Variants in TTC6 observed in about 807,000 individuals in gnomAD.
The protein encoded by TTC6 is tetratricopeptide repeat protein 6.
TTC6 carries 172 observed loss-of-function variants against 210.4 expected under a neutral mutation model. That is an observed-to-expected ratio of 0.82 (90% CI 0.72 to 0.93). TTC6 has a LOEUF of 0.93. TTC6 is among the 40% of genes least tolerant of loss of function. The pLI, the probability that TTC6 is intolerant of heterozygous loss-of-function variation, is 0.00. For synonymous variants in TTC6, 804 were observed against 819.6 expected (o/e 0.98, Z 0.32); for missense variants, 2,414 against 2,318.1 (o/e 1.04, Z -0.85).
chr14:37,806,038 A>G (rs1471131240), intron 21 of TTC6, among the ~76,000 whole-genome samples: 1 of 152,138 alleles, frequency 6.6e-6, no homozygotes, highest in African/African-American at 2.4e-5. Context: ...GCTGGATCCT[A>G]ATGAAAAATA....
chr14:37,786,993 C>T (rs192946044), intron 14 of TTC6, among the ~76,000 whole-genome samples: 2 of 152,148 alleles, frequency 1.3e-5, no homozygotes, highest in Admixed American at 6.5e-5. Flanking sequence ...AGCTTTCATC[C>T]GTGAAAGAGC....
At chr14:37,805,413 C>G (rs2096115991) in intron 21 of TTC6, among the ~76,000 whole-genome samples, 1 of 103,976 alleles carries the variant, frequency 9.6e-6, no homozygotes, top group African/African-American at 3.3e-5. Context: ...AACTCTATCT[C>G]AAGACACACA....
intron 16 of TTC6, 140 bp from the exon 19 acceptor site, chr14:37,792,124 A>G: frequency 1.5e-6 from 1 of 660,938 alleles, no homozygotes; most frequent in Non-Finnish European, 2.3e-6. Context: ...CAGCTAACTA[A>G]TTTACTTTCC....
chr14:37,768,218 T>C (rs2139155660), intron 14 of TTC6, among the ~76,000 whole-genome samples: 2 of 151,428 alleles, frequency 1.3e-5, no homozygotes, highest in East Asian at 3.9e-4. Context: ...GTAGTATAGT[T>C]TGAAGTCAGG....
chr14:37,750,312 T>G (rs752880172), intron 12 of TTC6, among the ~76,000 whole-genome samples: 13 of 152,244 alleles, frequency 8.5e-5, no homozygotes, highest in Admixed American at 1.3e-4. Context: ...AAATGTGATA[T>G]TCACCTTTGT....
intron 14 of TTC6, among the ~76,000 whole-genome samples, chr14:37,775,705 CTG>C (rs2096035118): frequency 6.6e-6 from 1 of 152,086 alleles, no homozygotes; most frequent in Admixed American, 6.6e-5. Context: ...CTTGTTAATA[CTG>C]TCAGTGGGGT....
At chr14:37,680,647 A>C (rs2095781489) in intron 2 of TTC6, among the ~76,000 whole-genome samples, 1 of 152,190 alleles carries the variant, frequency 6.6e-6, no homozygotes, top group Non-Finnish European at 1.5e-5. Context: ...TTTGGTTGAG[A>C]AATATGGACA....
chr14:37,668,696 T>A (rs77894642), intron 1 of TTC6, among the ~76,000 whole-genome samples: 8,663 of 152,042 alleles, frequency 0.057, 380 homozygotes, highest in Non-Finnish European at 0.089. Flanking sequence ...ATGGAAAAAA[T>A]CTGCAAAGTC....
At chr14:37,649,648 C>T (rs2095707670) in intron 1 of TTC6, among the ~76,000 whole-genome samples, 1 of 152,174 alleles carries the variant, frequency 6.6e-6, no homozygotes, top group African/African-American at 2.4e-5. Context: ...TGCCTTTTAC[C>T]TGAGGCCATG....
At chr14:37,689,068 A>G (rs993284702) in intron 3 of TTC6, among the ~76,000 whole-genome samples, 1 of 152,146 alleles carries the variant, frequency 6.6e-6, no homozygotes, top group African/African-American at 2.4e-5. Flanking sequence ...ATTCAAGATA[A>G]CACAGAGAAT....
At chr14:37,651,214 C>A (rs72674265) in intron 1 of TTC6, among the ~76,000 whole-genome samples, 79 of 151,482 alleles carry the variant, frequency 5.2e-4, no homozygotes, top group Non-Finnish European at 9.7e-4. Flanking sequence ...TCCCATACCC[C>A]TCTCTGCCCC....
chr14:37,767,507 T>C lies in TTC6; in HGVS notation c.3266+14272T>C, dbSNP rs539863597. 4.7e-3 allele frequency among the ~76,000 whole-genome samples: 711 copies of C among 152,334 alleles called. 8 individuals carry two copies. The highest frequency in any genetic ancestry group is 0.016 in the African/African-American group (673 of 41,574). The stretch of plus-strand genomic sequence containing the variant: ...GATTGCCATTCTAACTGGTGTGAGA[T>C]GGTATCTCATTGTGGTTTTGATTTG... On this transcript the variant is annotated intron_variant, in intron 14 of 30. Coordinates refer to ENST00000553443, the Ensembl canonical transcript of TTC6.
At chr14:37,691,549 C>G (rs973594378) in intron 3 of TTC6, among the ~76,000 whole-genome samples, 1 of 151,924 alleles carries the variant, frequency 6.6e-6, no homozygotes, top group African/African-American at 2.4e-5. Context: ...AAAAGTAGTA[C>G]TAAGAGGGAA....
intron 21 of TTC6, among the ~76,000 whole-genome samples, chr14:37,806,133 T>A (rs1488744492): frequency 6.6e-6 from 1 of 152,196 alleles, no homozygotes; most frequent in East Asian, 1.9e-4. Flanking sequence ...AATCTAACAA[T>A]ATGGATTATG....
At chr14:37,742,019 T>G (rs533567360) in intron 10 of TTC6, among the ~76,000 whole-genome samples, 13 of 152,310 alleles carry the variant, frequency 8.5e-5, no homozygotes, top group Admixed American at 3.9e-4. Flanking sequence ...TGATGAATAG[T>G]GGCTGCCTTG....
chr14:37,597,239 C>T (rs2095606395), intron 1 of TTC6, among the ~76,000 whole-genome samples: 1 of 152,010 alleles, frequency 6.6e-6, no homozygotes, highest in South Asian at 2.1e-4. Flanking sequence ...ACTTTAGTTC[C>T]ATTTGTAAAG....
intron 1 of TTC6, among the ~76,000 whole-genome samples, chr14:37,664,976 A>G (rs893195952): frequency 1.3e-5 from 2 of 150,610 alleles, no homozygotes; most frequent in Non-Finnish European, 3.0e-5. Context: ...TAGAATGGCT[A>G]TTATTAAAAA....
chr14:37,763,051 A>ATT (rs369226483), intron 14 of TTC6, among the ~76,000 whole-genome samples: 19 of 145,696 alleles, frequency 1.3e-4, no homozygotes, highest in Middle Eastern at 7.2e-3. Flanking sequence ...CACCCGCCTA[A>ATT]TTTTTTTTTT....
intron 14 of TTC6, among the ~76,000 whole-genome samples, chr14:37,762,475 C>T (rs760368966): frequency 9.9e-5 from 15 of 152,188 alleles, no homozygotes; most frequent in Non-Finnish European, 1.8e-4. Flanking sequence ...TCAAAATCCT[C>T]GCCAAATTTG....
Sources: gnomAD v4.1 joint callset for allele counts (sites outside exome capture counted in the v4.1 genomes callset) on GRCh38, gnomAD v4.1.1 for gene constraint, MANE v1.5 for transcripts, NCBI Gene and HGNC (gene_info 2026-07-23, HGNC 2026-07-21) for gene names.